Variants in ERI2 observed in about 807,000 individuals in gnomAD.
The protein encoded by ERI2 is ERI1 exoribonuclease 2.
In ERI2, 35 loss-of-function variants were observed where a neutral mutation model predicts 46.8. That is an observed-to-expected ratio of 0.75 (90% CI 0.57 to 0.99). The LOEUF (loss-of-function observed/expected upper bound fraction) is 0.99, where lower values mean the gene tolerates loss of function less well. Among genes scored for constraint, ERI2 ranks in the 50% least tolerant of loss-of-function variants. The pLI is 0.00. For synonymous variants in ERI2, 224 were observed against 271.0 expected (o/e 0.83, Z 1.70); for missense variants, 695 against 796.2 (o/e 0.87, Z 1.53).
Position 20,803,504 on chromosome 16 carries a change from TCAAA to T in ERI2, c.100_103del (p.Phe34ThrfsTer3). ...TTCAAAATCAATGACAATTAAGTAGTCAAACAACTGCTCTGCAAAAGATCAAGTT... is the reference window on the plus strand; with the variant it reads ...TTCAAAATCAATGACAATTAAGTAGTCAACTGCTCTGCAAAAGATCAAGTT... On this transcript the variant is annotated frameshift_variant, in exon 3 of 9. Transcript: ENST00000357967. LOFTEE classifies it high-confidence loss of function. 6.2e-7 allele frequency: 1 copy of T among 1,613,944 alleles called. No homozygotes were observed. The highest frequency in any genetic ancestry group is 8.5e-7 in the Non-Finnish European group (1 of 1,179,852).
intron 7 of ERI2, 128 bp downstream of exon 7, chr16:20,799,829 T>C (rs2080777311): frequency 1.6e-6 from 1 of 613,472 alleles, no homozygotes; most frequent in South Asian, 2.1e-5. Flanking sequence ...ATGTGAATTG[T>C]TTAGATTAGG....
At position 20,806,445 on chromosome 16, in the gene ERI2, G is replaced by A. The variant is rs372552724; in HGVS notation, c.-15C>T. On this transcript the variant is annotated 5_prime_UTR_variant, in exon 1 of 9. Coordinates refer to ENST00000357967, the MANE Select transcript of ERI2 (RefSeq NM_001142725.2). ...TTGGTCGCCATTCCCGACACTCCTT[G>A]CTTTTCCAAGTCCAGCTGCCGGAAG... The A allele has an allele frequency of 2.8e-5, 44 of 1,552,904 alleles. No individual in the cohort carries two copies. Among genetic ancestry groups the A allele is most frequent in the Non-Finnish European group, 3.7e-5 (42 of 1,148,070 alleles).
intron 10 of ERI2, among the ~76,000 whole-genome samples, chr16:20,781,965 A>G (rs2080362356): frequency 6.6e-6 from 1 of 152,188 alleles, no homozygotes; most frequent in African/African-American, 2.4e-5. Context: ...TACTGTGACC[A>G]GGGCAAGATC....
chr16:20,804,292 A>G (rs1266687614), intron 1 of ERI2, among the ~76,000 whole-genome samples: 1 of 152,120 alleles, frequency 6.6e-6, no homozygotes, highest in African/African-American at 2.4e-5. Flanking sequence ...AGCTCTTGCT[A>G]TGTGTACAGT....
At chr16:20,796,298 C>T, downstream of ERI2, 1 of 1,561,540 alleles carries the variant, frequency 6.4e-7, no homozygotes, top group Non-Finnish European at 8.6e-7. Context: ...ATTCTCAGAG[C>T]AAGCAAACAA....
At chr16:20,786,456 G>A (rs767118433) in intron 10 of ERI2, 69 of 404,032 alleles carry the variant, frequency 1.7e-4, no homozygotes, top group Non-Finnish European at 2.5e-4. Flanking sequence ...CAAGGCGGGA[G>A]CATCACTTGA....
At chr16:20,801,075 A>G (rs1163287971) in intron 5 of ERI2, 128 bp downstream of exon 5, 25 of 826,726 alleles carry the variant, frequency 3.0e-5, no homozygotes, top group Non-Finnish European at 4.1e-5. Context: ...TAGGCATTTA[A>G]ATTTTTTTTC....
At chr16:20,806,356 C>G (rs2080872433) in intron 1 of ERI2, 52 bp downstream of exon 1, 1 of 1,546,632 alleles carries the variant, frequency 6.5e-7, no homozygotes. Context: ...GCGGCCAACG[C>G]CAGCGCTGGA....
chr16:20,800,211 T>C (rs1257751167), intron 6 of ERI2, 91 bp downstream of exon 6: 1 of 952,654 alleles, frequency 1.0e-6, no homozygotes, highest in East Asian at 2.5e-5. Flanking sequence ...AGAAAGTATC[T>C]TCTTTGCAGA....
At position 20,784,776 on chromosome 16, in the gene ERI2, A is replaced by G. The variant is rs563059615; in HGVS notation, c.895-4042T>C. On this transcript the variant is annotated intron_variant, in intron 10 of 10. Coordinates refer to the ERI2 transcript ENST00000300005. ...AGTATCATTCTATGATATTAGAATG[A>G]TTTATCTTTTTAATATCTTTATTTT... Among the ~76,000 whole-genome samples the G allele has an allele frequency of 5.9e-5, 9 of 152,254 alleles. No individual in the cohort carries two copies. The South Asian group carries it at 1.9e-3, about 32-fold the overall frequency.
At chr16:20,796,323 T>C (rs1350227086), downstream of ERI2, 7 of 1,595,170 alleles carry the variant, frequency 4.4e-6, no homozygotes, top group African/African-American at 8.2e-5. Context: ...TACTAAAACA[T>C]ACAAATGCAT....
intron 7 of ERI2, 178 bp from the exon 8 acceptor site, chr16:20,799,529 G>T: frequency 1.7e-6 from 1 of 601,738 alleles, no homozygotes; most frequent in Non-Finnish European, 2.9e-6. Flanking sequence ...GAAGGCTATG[G>T]CAGCATTACC....
At position 20,798,826 on chromosome 16, in the gene ERI2, T is replaced by C. The variant is rs1431871455; in HGVS notation, c.974A>G (p.Lys325Arg). Residue 325 changes from lysine (K) to arginine (R), a missense_variant, in exon 9 of 9, where the codon AAA becomes AGA. Coordinates refer to ENST00000357967, the MANE Select transcript of ERI2 (RefSeq NM_001142725.2). ...AGTATTAAAAAGAGGTAAGGAACTT[T>C]TGACATTGTGAAGACTTGCTTTTAT... ...NNIKASLHNV[K>R]SSLPLFNTKS... 9 of 1,551,380 alleles carry C rather than the reference T, an allele frequency of 5.8e-6. No homozygotes were observed. Among genetic ancestry groups the C allele is most frequent in the South Asian group, 2.4e-5 (2 of 84,036 alleles).
chr16:20,791,176 A>G (rs1022225234), intron 8 of ERI2, among the ~76,000 whole-genome samples: 1 of 152,230 alleles, frequency 6.6e-6, no homozygotes, highest in Non-Finnish European at 1.5e-5. Flanking sequence ...TCTATCATAT[A>G]ATAAAAGATC....
At chr16:20,792,497 T>C, downstream of ERI2, 1 of 982,080 alleles carries the variant, frequency 1.0e-6, no homozygotes, top group Non-Finnish European at 1.2e-6. Context: ...AAAATAAGAT[T>C]GAATTATGAG....
At chr16:20,782,677 A>G (rs1031089015) in intron 10 of ERI2, among the ~76,000 whole-genome samples, 3 of 152,200 alleles carry the variant, frequency 2.0e-5, no homozygotes. Flanking sequence ...CTCAAATGCT[A>G]ATCACAAGTC....
chr16:20,794,066 TAGA>T (rs1160727963), downstream of ERI2, among the ~76,000 whole-genome samples: 2 of 152,114 alleles, frequency 1.3e-5, no homozygotes, highest in Non-Finnish European at 1.5e-5. Flanking sequence ...CATTTCCTAG[TAGA>T]AGATGTGAGT....
In ERI2 at chr16:20,798,408, A is replaced by G. The variant is rs2080758379; in HGVS notation, c.1392T>C (p.Thr464=). The part of the protein sequence containing the change: ...SHENFGDIEE[T]PQKSETSKSI... Reference sequence around the variant, plus strand: ...ACTTAGAAGTCTCAGATTTTTGAGGAGTTTCCTCTATGTCTCCAAAGTTTT... The same window carrying G: ...ACTTAGAAGTCTCAGATTTTTGAGGGGTTTCCTCTATGTCTCCAAAGTTTT... The change falls in exon 9 of 9, where the codon ACT becomes ACC. Residue 464 remains threonine (T), a synonymous_variant. Coordinates refer to ENST00000357967, the MANE Select transcript of ERI2 (RefSeq NM_001142725.2). The G allele has an allele frequency of 6.4e-7, 1 of 1,550,432 alleles. No individual in the cohort carries two copies. Among genetic ancestry groups the G allele is most frequent in the Non-Finnish European group, 8.7e-7 (1 of 1,146,692 alleles).
At chr16:20,799,879 AC>A in intron 7 of ERI2, 77 bp downstream of exon 7, 2 of 832,400 alleles carry the variant, frequency 2.4e-6, no homozygotes, top group South Asian at 3.1e-5. Flanking sequence ...CTTACTAATG[AC>A]ATTACCAAAA....
Sources: allele counts gnomAD v4.1 joint callset (sites outside exome capture counted in the v4.1 genomes callset), GRCh38; gene constraint gnomAD v4.1.1; transcripts MANE v1.5; gene names NCBI Gene and HGNC (gene_info 2026-07-23, HGNC 2026-07-21).